The following RALGPS1 variants were observed in gnomAD, a reference collection of about 807,000 sequenced individuals.
RALGPS1 encodes the protein ras-specific guanine nucleotide-releasing factor RalGPS1.
In RALGPS1, 19 loss-of-function variants were observed where a neutral mutation model predicts 78.8. That is an observed-to-expected ratio of 0.24 (90% CI 0.17 to 0.35). RALGPS1 has a LOEUF of 0.35. Among genes scored for constraint, RALGPS1 ranks in the 10% least tolerant of loss-of-function variants. The pLI, the probability that RALGPS1 is intolerant of heterozygous loss-of-function variation, is 1.00. For synonymous variants in RALGPS1, 228 were observed against 256.3 expected, an observed-to-expected ratio of 0.89 and a Z score of 1.06; for missense variants, 454 against 688.3, an observed-to-expected ratio of 0.66 and a Z score of 3.81.
chr9:127,066,900 T>C (rs2049760179), intron 7 of RALGPS1, among the ~76,000 whole-genome samples: 1 of 152,044 alleles, frequency 6.6e-6, no homozygotes, highest in Non-Finnish European at 1.5e-5. Context: ...ACAGACTCAC[T>C]ACAGCCTCAA....
At chr9:127,194,166 C>T (rs2061229811) in intron 11 of RALGPS1, among the ~76,000 whole-genome samples, 1 of 152,236 alleles carries the variant, frequency 6.6e-6, no homozygotes, top group Non-Finnish European at 1.5e-5. Context: ...AGTCTGCGTA[C>T]ATTACCTCAT....
chr9:126,986,422 A>T (rs2041806368), intron 4 of RALGPS1, among the ~76,000 whole-genome samples: 1 of 152,120 alleles, frequency 6.6e-6, no homozygotes, highest in African/African-American at 2.4e-5. Context: ...TCCTGGGTGG[A>T]TTCCTGGCTG....
intron 8 of RALGPS1, among the ~76,000 whole-genome samples, chr9:127,117,341 T>C (rs753830803): frequency 2.0e-5 from 3 of 152,214 alleles, no homozygotes; most frequent in African/African-American, 7.2e-5. Flanking sequence ...AGATTCCTCC[T>C]CTGACTACTG....
At chr9:127,202,658 C>T (rs576335618) in intron 14 of RALGPS1, among the ~76,000 whole-genome samples, 64 of 152,228 alleles carry the variant, frequency 4.2e-4, no homozygotes, top group Middle Eastern at 3.4e-3. Context: ...CACTTCTGAG[C>T]CCCCAGGCTG....
chr9:127,141,883 A>C (rs1402471370), intron 8 of RALGPS1, among the ~76,000 whole-genome samples: 1 of 152,260 alleles, frequency 6.6e-6, no homozygotes, highest in Non-Finnish European at 1.5e-5. Flanking sequence ...TGAATCATTG[A>C]TATGAGTTTG....
In RALGPS1 at chr9:127,188,832, T is replaced by TTAAAAAAAAAAAAAA. The variant is rs756481918; in HGVS notation, c.911-6259_911-6258insTAAAAAAAAAAAAAA. Among the ~76,000 whole-genome samples, 451 of 87,384 alleles carry TTAAAAAAAAAAAAAA rather than the reference T, an allele frequency of 5.2e-3. 78 individuals are homozygous for TTAAAAAAAAAAAAAA. The highest frequency in any genetic ancestry group is 0.021 in the East Asian group (52 of 2,434). 57.3% of individuals were successfully genotyped at this position (87,384 alleles called of 152,430 possible). ...AAAGACTAAGAAACCCCATCTCTAC[T>TTAAAAAAAAAAAAAA]AAAAAAAAAAAAAAAAATGTAGCCA... is the stretch of plus-strand genomic sequence containing the variant. On this transcript the variant is annotated intron_variant, in intron 11 of 18. Coordinates refer to ENST00000259351, the MANE Select transcript of RALGPS1 (RefSeq NM_014636.3).
intron 8 of RALGPS1, among the ~76,000 whole-genome samples, chr9:127,073,444 C>T (rs941145976): frequency 2.2e-5 from 2 of 90,190 alleles, no homozygotes; most frequent in Non-Finnish European, 5.2e-5. Context: ...AGTAGTACAC[C>T]ATTGTGTGTG....
At chr9:127,063,489 T>C (rs2049395463) in intron 7 of RALGPS1, among the ~76,000 whole-genome samples, 1 of 152,234 alleles carries the variant, frequency 6.6e-6, no homozygotes, top group Admixed American at 6.5e-5. Context: ...TTGTATATTT[T>C]TGCTTTTTAT....
At position 127,174,781 on chromosome 9, in the gene RALGPS1, A is replaced by C; in HGVS notation, c.909A>C (p.Ala303=). Reference sequence around the variant, plus strand: ...TAGTCTCTTCCAAGGAAGATCTTGCAGGTATCGTAGCTACCTCGAGTGGGA... The same window carrying C: ...TAGTCTCTTCCAAGGAAGATCTTGCCGGTATCGTAGCTACCTCGAGTGGGA... ...PRLVSSKEDL[A]GPSAGSGSAR... is the part of the protein sequence containing the mutation. Residue 303 remains alanine, a splice_region_variant and synonymous_variant, in exon 11 of 19, where the codon GCA becomes GCC. Transcript: ENST00000259351. The C allele has an allele frequency of 1.2e-6, 2 of 1,613,934 alleles. No individual in the cohort carries two copies. Among genetic ancestry groups the C allele is most frequent in the Non-Finnish European group, 1.7e-6 (2 of 1,179,848 alleles).
At chr9:127,011,366 G>A (rs1589004118) in intron 4 of RALGPS1, among the ~76,000 whole-genome samples, 1 of 152,120 alleles carries the variant, frequency 6.6e-6, no homozygotes, top group African/African-American at 2.4e-5. Flanking sequence ...TTTAGTGGAG[G>A]TGGGGTTTCA....
chr9:127,155,718 T>A (rs1045898885), intron 8 of RALGPS1, among the ~76,000 whole-genome samples: 13 of 152,076 alleles, frequency 8.5e-5, no homozygotes, highest in African/African-American at 3.1e-4. Context: ...GGGAGATGTA[T>A]GAGGGGATAG....
At chr9:127,058,695 G>C (rs534509356) in intron 7 of RALGPS1, among the ~76,000 whole-genome samples, 2 of 152,182 alleles carry the variant, frequency 1.3e-5, no homozygotes, top group African/African-American at 2.4e-5. Context: ...GTGATCTAAG[G>C]GTATGGAATT....
intron 11 of RALGPS1, among the ~76,000 whole-genome samples, chr9:127,179,539 A>C (rs556538085): frequency 1.3e-5 from 2 of 152,324 alleles, no homozygotes; most frequent in South Asian, 4.1e-4. Context: ...TGCCCTTTCC[A>C]GTAGGCACAT....
chr9:126,995,676 C>A (rs1342753305), intron 4 of RALGPS1, among the ~76,000 whole-genome samples: 3 of 152,044 alleles, frequency 2.0e-5, no homozygotes, highest in Admixed American at 6.5e-5. Context: ...CTGCACCAAG[C>A]AGACCTAATA....
At chr9:126,989,914 G>T in intron 4 of RALGPS1, 1 of 1,550,458 alleles carries the variant, frequency 6.4e-7, no homozygotes, top group Non-Finnish European at 8.7e-7. Flanking sequence ...TGCCAGAATG[G>T]AAGACTCCCT....
At chr9:127,001,365 A>G (rs1418892281) in intron 4 of RALGPS1, among the ~76,000 whole-genome samples, 1 of 151,350 alleles carries the variant, frequency 6.6e-6, no homozygotes, top group Non-Finnish European at 1.5e-5. Flanking sequence ...TAATTAATTG[A>G]GCACACTTCA....
intron 11 of RALGPS1, among the ~76,000 whole-genome samples, chr9:127,194,683 G>T (rs2061260028): frequency 6.6e-6 from 1 of 152,184 alleles, no homozygotes; most frequent in South Asian, 2.1e-4. Flanking sequence ...AAATTGCTGG[G>T]ATTACAGGCG....
At position 127,070,175 on chromosome 9, in the gene RALGPS1, T is replaced by C. The variant is rs925603012; in HGVS notation, c.610+819T>C. Among the ~76,000 whole-genome samples, 18 of 152,160 alleles carry C rather than the reference T, an allele frequency of 1.2e-4. 1 individual carries two copies. Among genetic ancestry groups the C allele is most frequent in the Admixed American group, 1.1e-3 (17 of 15,276 alleles). Reference sequence around the variant, plus strand: ...GCACACAACCTGGATCCCTCACATGTGCAGTTCACAGTAGGGTTCGCGCTC... The same window carrying C: ...GCACACAACCTGGATCCCTCACATGCGCAGTTCACAGTAGGGTTCGCGCTC... On this transcript the variant is annotated intron_variant, in intron 8 of 18. Transcript: ENST00000259351.
chr9:127,087,906 A>T (rs1256424569), intron 8 of RALGPS1: 3 of 152,624 alleles, frequency 2.0e-5, no homozygotes, highest in Non-Finnish European at 4.4e-5. Flanking sequence ...GACTCAAATG[A>T]CCTGTAGGTT....
Sources: gnomAD v4.1 joint callset for allele counts (sites outside exome capture counted in the v4.1 genomes callset) on GRCh38, gnomAD v4.1.1 for gene constraint, MANE v1.5 for transcripts, NCBI Gene and HGNC (gene_info 2026-07-23, HGNC 2026-07-21) for gene names.